The following APP variants were observed in gnomAD, a reference collection of about 807,000 sequenced individuals.
APP encodes the protein amyloid beta precursor protein.
Under a neutral mutation model 101.4 loss-of-function variants are expected in APP, and 31 were observed. The ratio of observed to expected loss-of-function variants is 0.31; its 90% confidence interval spans 0.23 to 0.41. The LOEUF (loss-of-function observed/expected upper bound fraction) is 0.41. Ranked by LOEUF, APP falls within the 10% of genes least tolerant of loss-of-function variation. APP has a pLI of 1.00. For synonymous variants in APP, 366 were observed against 364.4 expected (o/e 1.00, Z -0.05); for missense variants, 839 against 1,003.7 (o/e 0.84, Z 2.22).
At chr21:25,925,661 G>T (rs1454082819) in intron 13 of APP, among the ~76,000 whole-genome samples, 3 of 152,222 alleles carry the variant, frequency 2.0e-5, no homozygotes, top group Admixed American at 2.0e-4. Flanking sequence ...ATGGCTGGGC[G>T]TGGTGGCTCA....
intron 13 of APP, among the ~76,000 whole-genome samples, 164 bp from the exon 14 acceptor site, chr21:25,912,126 A>G (rs184495349): frequency 3.3e-5 from 5 of 152,294 alleles, no homozygotes; most frequent in Admixed American, 1.3e-4. Flanking sequence ...CCTTTTACAG[A>G]TGTGAAAACT....
At chr21:25,898,640 C>G (rs1243999947) in intron 15 of APP, among the ~76,000 whole-genome samples, 1 of 152,186 alleles carries the variant, frequency 6.6e-6, no homozygotes, top group Non-Finnish European at 1.5e-5. Flanking sequence ...CCCAAACTGT[C>G]CTTTTTTTAC....
chr21:26,031,423 T>G (rs12626688), intron 5 of APP, among the ~76,000 whole-genome samples: 13,586 of 152,224 alleles, frequency 0.089, 949 homozygotes, highest in East Asian at 0.29. Flanking sequence ...TGTATCAGTC[T>G]GTTTTCATGC....
In APP at chr21:25,899,353, C is replaced by G. The variant is rs769606469; in HGVS notation, c.1964-1680G>C. On this transcript the variant is annotated intron_variant, in intron 15 of 17. Transcript: ENST00000346798. Reference sequence around the variant, plus strand: ...ATACTCCTTCCTTCAAGAGGGAGAACTTGATTCCCTTCCTTCGAATGTGGT... The same window carrying G: ...ATACTCCTTCCTTCAAGAGGGAGAAGTTGATTCCCTTCCTTCGAATGTGGT... Among the ~76,000 whole-genome samples the G allele has an allele frequency of 9.4e-4, 143 of 152,158 alleles. 2 individuals are homozygous for G. Among genetic ancestry groups the G allele is most frequent in the Non-Finnish European group, 2.5e-4 (17 of 68,042 alleles).
intron 13 of APP, among the ~76,000 whole-genome samples, chr21:25,933,024 T>A (rs1304780273): frequency 1.3e-5 from 2 of 152,342 alleles, no homozygotes; most frequent in East Asian, 1.9e-4. Context: ...TCAGATTATA[T>A]GAGAAAACTT....
At chr21:26,036,986 G>GTGTGTGTGTGTGTT (rs2146847060) in intron 5 of APP, among the ~76,000 whole-genome samples, 2 of 121,636 alleles carry the variant, frequency 1.6e-5, no homozygotes, top group East Asian at 8.1e-4. Context: ...GTGTGTGTGT[G>GTGTGTGTGTGTGTT]TATGTGTGTG....
At chr21:26,124,922 TG>T (rs2062649759) in intron 1 of APP, among the ~76,000 whole-genome samples, 1 of 152,358 alleles carries the variant, frequency 6.6e-6, no homozygotes, top group East Asian at 1.9e-4. Context: ...CTGACCTTGA[TG>T]GACAGATAAT....
chr21:25,967,738 G>C (rs1040631179), intron 11 of APP, among the ~76,000 whole-genome samples: 2 of 152,222 alleles, frequency 1.3e-5, no homozygotes, highest in Admixed American at 1.3e-4. Flanking sequence ...GGCTCAGACA[G>C]CATTTAGTTC....
At chr21:26,023,635 C>G (rs149341339) in intron 5 of APP, among the ~76,000 whole-genome samples, 3 of 152,122 alleles carry the variant, frequency 2.0e-5, no homozygotes, top group Non-Finnish European at 2.9e-5. Flanking sequence ...CCCAGGAGTT[C>G]GAGGCTGCTG....
chr21:26,108,801 T>C (rs907334954), intron 2 of APP, among the ~76,000 whole-genome samples: 14 of 152,058 alleles, frequency 9.2e-5, no homozygotes, highest in African/African-American at 3.4e-4. Context: ...GGAGAATCAT[T>C]TGAACCCAGG....
At chr21:25,925,654 G>C (rs1420179011) in intron 13 of APP, among the ~76,000 whole-genome samples, 1 of 152,186 alleles carries the variant, frequency 6.6e-6, no homozygotes, top group African/African-American at 2.4e-5. Flanking sequence ...AAACATAATG[G>C]CTGGGCGTGG....
intron 15 of APP, among the ~76,000 whole-genome samples, chr21:25,900,987 CA>C (rs71183520): frequency 6.7e-5 from 8 of 118,578 alleles, no homozygotes; most frequent in African/African-American, 1.4e-4. Context: ...GACTCCATCT[CA>C]AAAAAAAAAA....
At chr21:26,100,341 A>G (rs1466189136) in intron 2 of APP, among the ~76,000 whole-genome samples, 1 of 152,200 alleles carries the variant, frequency 6.6e-6, no homozygotes, top group South Asian at 2.1e-4. Context: ...GTCTCACTCA[A>G]TATGAATTTG....
chr21:26,104,361 A>C (rs1353187610), intron 2 of APP, among the ~76,000 whole-genome samples: 1 of 152,212 alleles, frequency 6.6e-6, no homozygotes, highest in Non-Finnish European at 1.5e-5. Context: ...ATATTTTTTA[A>C]ATGCATTGAA....
intron 13 of APP, among the ~76,000 whole-genome samples, chr21:25,948,885 T>C (rs1297046399): frequency 1.3e-5 from 2 of 152,160 alleles, no homozygotes; most frequent in Admixed American, 6.6e-5. Context: ...TTCTGCCCTT[T>C]TGAAGGATTA....
intron 6 of APP, chr21:26,009,481 A>G (rs2043685620): frequency 6.6e-6 from 1 of 152,218 alleles, no homozygotes; most frequent in African/African-American, 2.4e-5. Context: ...TATCATTCCT[A>G]TAATATCCCA....
At chr21:25,980,277 T>C (rs2042378919) in intron 9 of APP, among the ~76,000 whole-genome samples, 1 of 152,196 alleles carries the variant, frequency 6.6e-6, no homozygotes, top group African/African-American at 2.4e-5. Flanking sequence ...GTCATTGTTC[T>C]TTTTTTACGA....
chr21:25,958,517 T>C (rs139420916), intron 11 of APP, among the ~76,000 whole-genome samples: 2,532 of 151,812 alleles, frequency 0.017, 34 homozygotes, highest in Admixed American at 0.026. Flanking sequence ...GACCTCGTGA[T>C]CTGCCCGCCT....
At chr21:26,064,936 C>T (rs1037521241) in intron 3 of APP, among the ~76,000 whole-genome samples, 1 of 152,228 alleles carries the variant, frequency 6.6e-6, no homozygotes, top group Non-Finnish European at 1.5e-5. Context: ...TCACTGCAAC[C>T]TCCACCTCCC....
Sources: allele counts gnomAD v4.1 joint callset (sites outside exome capture counted in the v4.1 genomes callset), GRCh38; gene constraint gnomAD v4.1.1; transcripts MANE v1.5; gene names NCBI Gene and HGNC (gene_info 2026-07-23, HGNC 2026-07-21).